CSMD3: variants seen among roughly 807,000 people sequenced by gnomAD.
CSMD3 encodes the protein CUB and Sushi multiple domains 3.
Under a neutral mutation model 435.2 loss-of-function variants are expected in CSMD3, and 177 were observed. The ratio of observed to expected loss-of-function variants is 0.41; its 90% CI spans 0.36 to 0.46. The LOEUF is 0.46. CSMD3 is among the 20% of genes least tolerant of loss of function. CSMD3 has a pLI of 0.34. For synonymous variants in CSMD3, 1,656 were observed against 1,520.5 expected, an observed-to-expected ratio of 1.09 and a Z score of -2.07; for missense variants, 4,265 against 4,504.6, an observed-to-expected ratio of 0.95 and a Z score of 1.52.
chr8:113,177,762 A>T (rs965624371), intron 3 of CSMD3, among the ~76,000 whole-genome samples: 2 of 151,940 alleles, frequency 1.3e-5, no homozygotes, highest in Non-Finnish European at 1.5e-5. Flanking sequence ...TCTAATTAAA[A>T]TCCATCTGGT....
rs960620751 is a variant in CSMD3 at position 112,802,622 on chromosome 8, T to C, written c.1860-2348A>G. ...TTTTTCCCTCCATTTTATGGAGAGCTTTTACTGAGCTGGCAAAAGATTTTA... is the reference window on the plus strand; with the variant it reads ...TTTTTCCCTCCATTTTATGGAGAGCCTTTACTGAGCTGGCAAAAGATTTTA... On this transcript the variant is annotated intron_variant, in intron 12 of 70. Coordinates refer to ENST00000297405, the MANE Select transcript of CSMD3 (RefSeq NM_198123.2). Among the ~76,000 whole-genome samples, 22 of 152,086 alleles carry C rather than the reference T, an allele frequency of 1.4e-4. 2 individuals are homozygous for C. Among genetic ancestry groups the C allele is most frequent in the Admixed American group, 1.2e-3 (19 of 15,260 alleles).
At chr8:113,181,045 G>T (rs969393270) in intron 3 of CSMD3, among the ~76,000 whole-genome samples, 3 of 151,718 alleles carry the variant, frequency 2.0e-5, no homozygotes, top group African/African-American at 4.8e-5. Context: ...ATCATTATTT[G>T]TTATTATTTT....
At chr8:112,283,839 G>T (rs1818904403) in intron 58 of CSMD3, among the ~76,000 whole-genome samples, 2 of 151,702 alleles carry the variant, frequency 1.3e-5, no homozygotes, top group African/African-American at 2.4e-5. Flanking sequence ...TTTTAGTAGG[G>T]TGACTGTAAT....
intron 32 of CSMD3, among the ~76,000 whole-genome samples, chr8:112,424,517 A>C (rs1812848967): frequency 6.6e-6 from 1 of 152,142 alleles, no homozygotes; most frequent in Non-Finnish European, 1.5e-5. Context: ...AATGAATTAA[A>C]CCTTATTCTC....
intron 47 of CSMD3, among the ~76,000 whole-genome samples, chr8:112,318,476 G>T (rs548148184): frequency 6.6e-6 from 1 of 152,040 alleles, no homozygotes; most frequent in East Asian, 1.9e-4. Context: ...TGAGTCTAGT[G>T]GTTAGATAAG....
chr8:112,869,860 C>T lies in CSMD3; in HGVS notation c.1634-10594G>A, dbSNP rs554920187. ...GAACACATGGACACAGGGAAGGGAA[C>T]ATTGCACACCCGGGCCTGTTGGGGT... On this transcript the variant is annotated intron_variant, in intron 10 of 70. Transcript: ENST00000297405. Among the ~76,000 whole-genome samples the T allele has an allele frequency of 2.4e-4, 36 of 152,128 alleles. 1 individual carries two copies. The South Asian group carries it at 7.3e-3, about 31-fold the overall frequency.
At chr8:112,325,274 T>C (rs1289187629) in intron 45 of CSMD3, among the ~76,000 whole-genome samples, 3 of 152,142 alleles carry the variant, frequency 2.0e-5, no homozygotes, top group African/African-American at 7.2e-5. Flanking sequence ...TTTGATAACA[T>C]AGCTAAAATT....
At chr8:112,911,456 T>C (rs893938791) in intron 10 of CSMD3, among the ~76,000 whole-genome samples, 3 of 151,840 alleles carry the variant, frequency 2.0e-5, no homozygotes, top group Non-Finnish European at 4.4e-5. Flanking sequence ...TTACTAGTTA[T>C]AGTCATCAGG....
intron 38 of CSMD3, among the ~76,000 whole-genome samples, chr8:112,366,801 G>A (rs1827823921): frequency 6.6e-6 from 1 of 152,096 alleles, no homozygotes; most frequent in Non-Finnish European, 1.5e-5. Flanking sequence ...AGTTAATAAT[G>A]TAAAAAAGAT....
intron 6 of CSMD3, among the ~76,000 whole-genome samples, chr8:112,989,403 A>C (rs1229849092): frequency 6.6e-6 from 1 of 151,954 alleles, no homozygotes; most frequent in African/African-American, 2.4e-5. Flanking sequence ...AACAATACTT[A>C]TTTTTAGCCA....
At chr8:113,125,145 T>G (rs1051875947) in intron 4 of CSMD3, among the ~76,000 whole-genome samples, 1 of 151,930 alleles carries the variant, frequency 6.6e-6, no homozygotes, top group South Asian at 2.1e-4. Flanking sequence ...CAGAAATCTA[T>G]TCCTGCATAA....
chr8:113,101,191 T>C (rs1264787411), intron 4 of CSMD3, among the ~76,000 whole-genome samples: 2 of 152,142 alleles, frequency 1.3e-5, no homozygotes, highest in African/African-American at 2.4e-5. Context: ...TGGGTGACTG[T>C]GTCTCTCCAG....
chr8:112,886,530 T>G (rs186913129), intron 10 of CSMD3, among the ~76,000 whole-genome samples: 1,950 of 151,488 alleles, frequency 0.013, 51 homozygotes, highest in African/African-American at 0.044. Context: ...GAATTAGCTG[T>G]GCTATCCCTA....
At chr8:112,821,386 T>A (rs920602136) in intron 12 of CSMD3, among the ~76,000 whole-genome samples, 1 of 152,190 alleles carries the variant, frequency 6.6e-6, no homozygotes, top group Non-Finnish European at 1.5e-5. Flanking sequence ...TTGATTTGTA[T>A]CTCTATAATG....
rs554685107 is a variant in CSMD3 at position 113,010,623 on chromosome 8, G to C, written c.1030+8444C>G. ...TGAAATAAAAATCATTAAGTTGTAT[G>C]TGGATTTTTACAAATTCCATGAGAT... On this transcript the variant is annotated intron_variant, in intron 6 of 70. Transcript: ENST00000297405. Among the ~76,000 whole-genome samples, 9 of 151,714 alleles carry C rather than the reference G, an allele frequency of 5.9e-5. No homozygotes were observed. The South Asian group carries it at 1.9e-3, about 31-fold the overall frequency.
chr8:113,396,233 T>C (rs192999671), intron 1 of CSMD3, among the ~76,000 whole-genome samples: 163 of 152,288 alleles, frequency 1.1e-3, no homozygotes, highest in Admixed American at 2.7e-3. Flanking sequence ...CATAATATTA[T>C]GAAGTTCTTA....
At chr8:112,952,714 G>C (rs145890553) in intron 8 of CSMD3, among the ~76,000 whole-genome samples, 1 of 151,166 alleles carries the variant, frequency 6.6e-6, no homozygotes, top group Non-Finnish European at 1.5e-5. Context: ...TCAAAAAAAT[G>C]AAAAACCAAG....
intron 3 of CSMD3, among the ~76,000 whole-genome samples, chr8:113,185,710 T>C (rs2131954329): frequency 6.6e-6 from 1 of 152,126 alleles, no homozygotes; most frequent in Non-Finnish European, 1.5e-5. Flanking sequence ...TCCAAATCTG[T>C]ATATTTTGGT....
At position 112,689,953 on chromosome 8, in the gene CSMD3, G is replaced by A. The variant is rs2131824481; in HGVS notation, c.2070C>T (p.Cys690=). The A allele has an allele frequency of 6.2e-7, 1 of 1,613,050 alleles. No individual in the cohort carries two copies. The highest frequency in any genetic ancestry group is 8.5e-7 in the Non-Finnish European group (1 of 1,179,266). Residue 690 remains cysteine (C), a synonymous_variant, in exon 14 of 71, where the codon TGC becomes TGT. Transcript: ENST00000297405. ...CTCCAATTAATTCAAACCCAAACTG[G>A]CATTCAAACCTTAAAACATCACGAT... ...FSNRDVLRFE[C]QFGFELIGEK... is the part of the protein sequence containing the mutation.
Sources: gnomAD v4.1 joint callset for allele counts (sites outside exome capture counted in the v4.1 genomes callset) on GRCh38, gnomAD v4.1.1 for gene constraint, MANE v1.5 for transcripts, NCBI Gene and HGNC (gene_info 2026-07-23, HGNC 2026-07-21) for gene names.